Variants in ZNG1A observed in about 807,000 individuals in gnomAD.
ZNG1A encodes the protein Zn regulated GTPase metalloprotein activator 1A.
chr9:163,512 G>C, the ZNG1A span, among the ~76,000 whole-genome samples: 1 of 151,724 alleles, frequency 6.6e-6, no homozygotes, highest in Non-Finnish European at 1.5e-5. Flanking sequence ...TAATCTATAT[G>C]AACAAAGATT....
At chr9:171,426 T>C in the ZNG1A span, among the ~76,000 whole-genome samples, 1 of 152,062 alleles carries the variant, frequency 6.6e-6, no homozygotes, top group East Asian at 1.9e-4. Context: ...TAAAAGTTAT[T>C]TGGGGAAAAT....
the ZNG1A span, among the ~76,000 whole-genome samples, chr9:145,261 C>T: frequency 2.5e-4 from 38 of 151,250 alleles, 2 homozygotes; most frequent in Admixed American, 9.9e-4. Context: ...ATATTTATTG[C>T]GGCATTATTC....
chr9:121,714 A>C, the ZNG1A span: 2 of 1,142,242 alleles, frequency 1.8e-6, no homozygotes, highest in Non-Finnish European at 2.5e-6. Flanking sequence ...TCCATCTTTA[A>C]CTTTCCAGGT....
At chr9:134,964 A>AT in the ZNG1A span, 64 of 1,408,112 alleles carry the variant, frequency 4.5e-5, no homozygotes, top group African/African-American at 1.4e-4. Context: ...TTGGATTTAG[A>AT]TTTTTTTTCT....
At chr9:137,977 GA>G in the ZNG1A span, among the ~76,000 whole-genome samples, 28 of 122,896 alleles carry the variant, frequency 2.3e-4, no homozygotes, top group African/African-American at 8.0e-4. Context: ...GCAGTGGCTT[GA>G]AAGGATATAA....
chr9:166,423 C>T, the ZNG1A span: 3 of 151,684 alleles, frequency 2.0e-5, no homozygotes, highest in African/African-American at 7.3e-5. Context: ...AGTTCTCCCA[C>T]ATCAAGAAGA....
At chr9:155,261 T>C in the ZNG1A span, among the ~76,000 whole-genome samples, 3 of 150,784 alleles carry the variant, frequency 2.0e-5, no homozygotes, top group African/African-American at 4.9e-5. Context: ...CTTCACTTAA[T>C]ACTAAAAACT....
the ZNG1A span, among the ~76,000 whole-genome samples, chr9:143,347 T>C: frequency 3.4e-5 from 5 of 145,652 alleles, no homozygotes; most frequent in East Asian, 8.4e-4. Context: ...TTATCCACCA[T>C]GATCAAGTGG....
At chr9:166,938 C>CA in the ZNG1A span, 1 of 150,628 alleles carries the variant, frequency 6.6e-6, no homozygotes, top group African/African-American at 2.4e-5. Flanking sequence ...ATAATTTGAC[C>CA]AAAAAAAAGT....
the ZNG1A span, chr9:154,254 G>C: frequency 5.7e-6 from 1 of 176,274 alleles, no homozygotes; most frequent in Admixed American, 6.2e-5. Flanking sequence ...CATAGGAAGG[G>C]GGGAGAGACA....
chr9:126,691 G>C, the ZNG1A span, among the ~76,000 whole-genome samples: 8 of 150,586 alleles, frequency 5.3e-5, no homozygotes, highest in African/African-American at 2.0e-4. Flanking sequence ...TTTTTTTGTT[G>C]TTTTGTTTCA....
At chr9:145,140 G>A in the ZNG1A span, among the ~76,000 whole-genome samples, 5 of 148,882 alleles carry the variant, frequency 3.4e-5, no homozygotes, top group East Asian at 4.0e-4. Context: ...TCAGTGTGGC[G>A]ATTCCTCAGG....
the ZNG1A span, among the ~76,000 whole-genome samples, chr9:170,379 G>A: frequency 8.8e-5 from 13 of 147,552 alleles, no homozygotes; most frequent in Admixed American, 2.0e-4. Context: ...GTGTGTGTGC[G>A]CATGTGCATG....
chr9:154,834 T>A, the ZNG1A span: 31 of 1,413,720 alleles, frequency 2.2e-5, no homozygotes, highest in Non-Finnish European at 3.0e-5. Context: ...AAACTTTAAA[T>A]AATATACACG....
At chr9:174,627 T>A in the ZNG1A span, among the ~76,000 whole-genome samples, 1 of 150,582 alleles carries the variant, frequency 6.6e-6, no homozygotes, top group Non-Finnish European at 1.5e-5. Flanking sequence ...AAAGCACTTT[T>A]CTCTTTCGTT....
the ZNG1A span, chr9:171,970 T>C: frequency 1.9e-6 from 3 of 1,556,684 alleles, no homozygotes; most frequent in Non-Finnish European, 1.7e-6. Flanking sequence ...AAAAAGTTTT[T>C]GGTTTAATAC....
the ZNG1A span, among the ~76,000 whole-genome samples, chr9:161,225 T>G: frequency 6.6e-6 from 1 of 151,974 alleles, no homozygotes; most frequent in East Asian, 1.9e-4. Context: ...TCCCAGCACT[T>G]TGGGAGGCCG....
chr9:127,581 G>A, the ZNG1A span, among the ~76,000 whole-genome samples: 1 of 152,208 alleles, frequency 6.6e-6, no homozygotes, highest in African/African-American at 2.4e-5. Context: ...TTATGTGTTA[G>A]GTGAGACTCT....
At chr9:177,714 C>T in the ZNG1A span, 28 of 1,495,002 alleles carry the variant, frequency 1.9e-5, no homozygotes, top group Non-Finnish European at 2.4e-5. Context: ...CAGTGATCTA[C>T]TGACCTACCA....
Sources: allele counts gnomAD v4.1 joint callset (sites outside exome capture counted in the v4.1 genomes callset), GRCh38; gene constraint gnomAD v4.1.1; transcripts MANE v1.5; gene names NCBI Gene and HGNC (gene_info 2026-07-23, HGNC 2026-07-21).